PTPRG: variants seen among roughly 807,000 people sequenced by gnomAD.
PTPRG encodes protein tyrosine phosphatase receptor type G.
PTPRG carries 102 observed loss-of-function variants against 165.3 expected under a neutral mutation model. That is an observed-to-expected ratio of 0.62 (90% CI 0.53 to 0.73). PTPRG has a LOEUF of 0.73. PTPRG is among the 30% of genes least tolerant of loss of function. The probability of loss-of-function intolerance (pLI) is 0.00; values close to 1 mark genes in which losing one functional copy is unlikely to be tolerated. For synonymous variants in PTPRG, 675 were observed against 669.5 expected, an observed-to-expected ratio of 1.01 and a Z score of -0.13; for missense variants, 1,866 against 1,861.4, an observed-to-expected ratio of 1.00 and a Z score of -0.05.
At chr3:62,205,849 T>C (rs1700217283) in intron 12 of PTPRG, among the ~76,000 whole-genome samples, 1 of 151,924 alleles carries the variant, frequency 6.6e-6, no homozygotes, top group South Asian at 2.1e-4. Context: ...GCTGCAGTGT[T>C]ACTTGATTGA....
At chr3:61,844,859 C>T (rs2036762476) in intron 2 of PTPRG, among the ~76,000 whole-genome samples, 1 of 152,118 alleles carries the variant, frequency 6.6e-6, no homozygotes, top group South Asian at 2.1e-4. Flanking sequence ...ACAATTTCAT[C>T]AGACTTTAAA....
chr3:61,915,776 A>AG (rs2038920543), intron 2 of PTPRG, among the ~76,000 whole-genome samples: 2 of 152,212 alleles, frequency 1.3e-5, no homozygotes, highest in South Asian at 4.1e-4. Context: ...GCAATCACAG[A>AG]GGGTAAGATT....
At chr3:62,049,570 C>G (rs370884933) in intron 4 of PTPRG, among the ~76,000 whole-genome samples, 2 of 129,518 alleles carry the variant, frequency 1.5e-5, no homozygotes, top group East Asian at 4.7e-4. Flanking sequence ...CACCCAGTAT[C>G]ATCAACTGGA....
At chr3:61,784,202 A>C (rs778310616) in intron 2 of PTPRG, among the ~76,000 whole-genome samples, 5 of 152,080 alleles carry the variant, frequency 3.3e-5, no homozygotes, top group Non-Finnish European at 7.4e-5. Flanking sequence ...GCGGGGCCAC[A>C]CTCACAGGAG....
At chr3:61,855,031 TTTC>T (rs2037061556) in intron 2 of PTPRG, among the ~76,000 whole-genome samples, 1 of 152,148 alleles carries the variant, frequency 6.6e-6, no homozygotes, top group African/African-American at 2.4e-5. Flanking sequence ...TGTGATTTAA[TTTC>T]TTCTTATTTT....
chr3:61,803,444 A>G (rs1458155497), intron 2 of PTPRG, among the ~76,000 whole-genome samples: 6 of 149,134 alleles, frequency 4.0e-5, no homozygotes, highest in Non-Finnish European at 1.5e-5. Flanking sequence ...AATTGGCCAT[A>G]TGTGCCTGGT....
At chr3:61,861,803 C>G (rs532586008) in intron 2 of PTPRG, among the ~76,000 whole-genome samples, 94 of 152,224 alleles carry the variant, frequency 6.2e-4, no homozygotes, top group Admixed American at 2.5e-3. Context: ...TAATGCATGC[C>G]GATGCCCGTG....
chr3:61,656,836 A>G (rs930135138), intron 1 of PTPRG, among the ~76,000 whole-genome samples: 2 of 152,158 alleles, frequency 1.3e-5, no homozygotes, highest in Non-Finnish European at 2.9e-5. Context: ...TATTCTCCAG[A>G]TATTTTCTTC....
At chr3:62,011,079 A>T (rs2041411469) in intron 4 of PTPRG, among the ~76,000 whole-genome samples, 1 of 152,200 alleles carries the variant, frequency 6.6e-6, no homozygotes, top group African/African-American at 2.4e-5. Context: ...TAAAAAACTG[A>T]TGAGGCTGGG....
chr3:61,568,323 T>A (rs994636816), intron 1 of PTPRG, among the ~76,000 whole-genome samples: 12 of 152,198 alleles, frequency 7.9e-5, no homozygotes, highest in African/African-American at 2.7e-4. Flanking sequence ...GTCAGGAAAG[T>A]CTGTGATGAT....
chr3:62,041,930 C>T (rs983345256), intron 4 of PTPRG, among the ~76,000 whole-genome samples: 4 of 152,142 alleles, frequency 2.6e-5, no homozygotes, highest in African/African-American at 9.7e-5. Flanking sequence ...CTCATTTAAC[C>T]TTCATCGCCT....
intron 2 of PTPRG, among the ~76,000 whole-genome samples, chr3:61,830,570 T>TTG (rs1474614024): frequency 2.6e-4 from 13 of 49,876 alleles, no homozygotes; most frequent in African/African-American, 1.6e-3. Context: ...GTTTTTGTTT[T>TTG]TTTTTTTTTT....
intron 2 of PTPRG, among the ~76,000 whole-genome samples, chr3:61,860,597 C>G (rs2037237404): frequency 6.6e-6 from 1 of 151,856 alleles, no homozygotes; most frequent in Non-Finnish European, 1.5e-5. Flanking sequence ...CGCACCAGCA[C>G]TCACCGGCTA....
chr3:61,569,936 TC>T (rs1468557498), intron 1 of PTPRG, among the ~76,000 whole-genome samples: 1 of 152,194 alleles, frequency 6.6e-6, no homozygotes, highest in Non-Finnish European at 1.5e-5. Context: ...AAAAATGCTT[TC>T]TGTGGGCTTA....
intron 21 of PTPRG, 38 bp from the exon 22 acceptor site, chr3:62,272,908 A>T: frequency 1.3e-6 from 2 of 1,535,964 alleles, no homozygotes; most frequent in Non-Finnish European, 1.8e-6. Context: ...CAGTATGATA[A>T]AACAAAAGTG....
chr3:61,722,797 T>C (rs1377561537), intron 1 of PTPRG, among the ~76,000 whole-genome samples: 1 of 152,234 alleles, frequency 6.6e-6, no homozygotes, highest in Non-Finnish European at 1.5e-5. Flanking sequence ...AGACGGGGTG[T>C]ACTATCTGGC....
chr3:61,760,635 G>A (rs1392130503), intron 2 of PTPRG, among the ~76,000 whole-genome samples: 3 of 152,112 alleles, frequency 2.0e-5, no homozygotes, highest in Admixed American at 6.5e-5. Context: ...AGGGGTACTT[G>A]TACAGGATGT....
intron 16 of PTPRG, among the ~76,000 whole-genome samples, chr3:62,256,790 TG>T (rs1313292055): frequency 6.6e-6 from 1 of 152,256 alleles, no homozygotes; most frequent in Non-Finnish European, 1.5e-5. Context: ...TCATCACAGC[TG>T]GTTTTGACAC....
intron 1 of PTPRG, among the ~76,000 whole-genome samples, chr3:61,677,113 C>T (rs1379615264): frequency 6.6e-6 from 1 of 151,964 alleles, no homozygotes; most frequent in Non-Finnish European, 1.5e-5. Flanking sequence ...GGCATGGTGG[C>T]GGGCGCCTGT....
Sources: gnomAD v4.1 joint callset for allele counts (sites outside exome capture counted in the v4.1 genomes callset) on GRCh38, gnomAD v4.1.1 for gene constraint, MANE v1.5 for transcripts, NCBI Gene and HGNC (gene_info 2026-07-23, HGNC 2026-07-21) for gene names.